Variants in ACAT1 observed in about 807,000 individuals in gnomAD.
The protein encoded by ACAT1 is acetyl-CoA acetyltransferase, mitochondrial.
In ACAT1, 28 loss-of-function variants were observed where a neutral mutation model predicts 47.3. That is an observed-to-expected ratio of 0.59 (90% CI 0.44 to 0.81). The LOEUF is 0.81. ACAT1 is among the 30% of genes least tolerant of loss of function. The pLI, the probability that ACAT1 is intolerant of heterozygous loss-of-function variation, is 0.00. For synonymous variants in ACAT1, 181 were observed against 173.6 expected (o/e 1.04, Z -0.34); for missense variants, 469 against 524.3 (o/e 0.89, Z 1.03).
chr11:108,133,714 A>G, intron 2 of ACAT1, 106 bp from the exon 3 acceptor site: 3 of 890,766 alleles, frequency 3.4e-6, no homozygotes, highest in Non-Finnish European at 3.7e-6. Flanking sequence ...TTAATTTTTG[A>G]TGACTCATTC....
At chr11:108,121,873 C>T (rs950640971) in intron 1 of ACAT1, 195 bp downstream of exon 1, 1 of 612,680 alleles carries the variant, frequency 1.6e-6, no homozygotes, top group Admixed American at 2.9e-5. Context: ...CCTATTTTTA[C>T]AGCGCGTTTC....
chr11:108,118,659 C>T (rs748603643), upstream of ACAT1, among the ~76,000 whole-genome samples: 3 of 152,168 alleles, frequency 2.0e-5, no homozygotes, highest in African/African-American at 4.8e-5. Flanking sequence ...CGTGAGCCAC[C>T]GCGCCCGGCC....
rs1462094708 is a variant in ACAT1, at chr11:108,147,422, T to G, written c.*32T>G. ...TCTGCTATTTAAGGAGACAACCCTA[T>G]GTGACCAGAAGGCCTGCTGTAATCA... On this transcript the variant is annotated 3_prime_UTR_variant, in exon 12 of 12. Transcript: ENST00000265838. The G allele has an allele frequency of 1.9e-6, 3 of 1,594,124 alleles. No homozygotes were observed. In the South Asian group the frequency reaches 3.3e-5, roughly 18 times the overall value.
chr11:108,135,930 A>G (rs551606989), intron 5 of ACAT1: 1 of 425,574 alleles, frequency 2.3e-6, no homozygotes, highest in African/African-American at 2.0e-5. Context: ...GGTTTTCATT[A>G]TAAAGGAGAA....
Position 108,123,604 on chromosome 11 carries a change from A to G in ACAT1, c.72+1926A>G, listed in dbSNP as rs577764889. Among the ~76,000 whole-genome samples the G allele has an allele frequency of 7.6e-4, 116 of 152,216 alleles. 1 individual carries two copies. Among genetic ancestry groups the G allele is most frequent in the African/African-American group, 2.6e-3 (110 of 41,520 alleles). On this transcript the variant is annotated intron_variant, in intron 1 of 11. Transcript: ENST00000265838. ...ATTACCTCCCATGTATTCTGCATCT[A>G]TTTCTCCTTAACTCTCTGCAGTTAA...
chr11:108,117,463 A>G (rs974559986), upstream of ACAT1, among the ~76,000 whole-genome samples: 12 of 151,908 alleles, frequency 7.9e-5, no homozygotes, highest in African/African-American at 2.7e-4. Flanking sequence ...GCCCATCACC[A>G]CACCCAGCTA....
chr11:108,141,484 G>C, intron 7 of ACAT1, 121 bp from the exon 8 acceptor site: 1 of 705,038 alleles, frequency 1.4e-6, no homozygotes, highest in African/African-American at 1.8e-5. Context: ...GTTTACTTGG[G>C]ATGGTTTAAG....
intron 1 of ACAT1, among the ~76,000 whole-genome samples, chr11:108,127,440 T>C (rs1200577113): frequency 6.6e-6 from 1 of 151,954 alleles, no homozygotes; most frequent in East Asian, 1.9e-4. Context: ...AATTTTGTTT[T>C]TGTATTTTTA....
intron 1 of ACAT1, among the ~76,000 whole-genome samples, chr11:108,124,404 C>T (rs973172899): frequency 6.6e-6 from 1 of 152,158 alleles, no homozygotes; most frequent in African/African-American, 2.4e-5. Flanking sequence ...GCTGGGATTA[C>T]AGGCATGTGC....
intron 1 of ACAT1, among the ~76,000 whole-genome samples, chr11:108,123,028 C>A (rs2077180278): frequency 6.6e-6 from 1 of 152,034 alleles, no homozygotes; most frequent in Non-Finnish European, 1.5e-5. Context: ...AGTTCAAGAC[C>A]AGCCTGGCCA....
intron 5 of ACAT1, 69 bp from the exon 6 acceptor site, chr11:108,138,829 G>A (rs2077522533): frequency 9.7e-6 from 15 of 1,551,974 alleles, no homozygotes; most frequent in South Asian, 8.9e-5. Flanking sequence ...GGTGGTAGCT[G>A]TATAAAGGGT....
intron 10 of ACAT1, 28 bp from the exon 11 acceptor site, chr11:108,146,174 A>G: frequency 6.4e-7 from 1 of 1,552,424 alleles, no homozygotes; most frequent in Non-Finnish European, 8.9e-7. Flanking sequence ...AATTATTTGA[A>G]CATCATCTGT....
upstream of ACAT1, chr11:108,121,429 G>C: frequency 1.4e-6 from 1 of 697,920 alleles, no homozygotes; most frequent in Non-Finnish European, 2.5e-6. Flanking sequence ...CCCAGGCTGC[G>C]GTGTCCCAGC....
At chr11:108,125,336 G>T (rs1318699136) in intron 1 of ACAT1, among the ~76,000 whole-genome samples, 1 of 152,104 alleles carries the variant, frequency 6.6e-6, no homozygotes, top group African/African-American at 2.4e-5. Context: ...ACACTATATG[G>T]TTCAGTGTCC....
intron 5 of ACAT1, among the ~76,000 whole-genome samples, chr11:108,135,899 T>C (rs1015250407): frequency 1.3e-5 from 2 of 152,150 alleles, no homozygotes; most frequent in Non-Finnish European, 1.5e-5. Flanking sequence ...TCATAAATAC[T>C]GTATTTGCCA....
At chr11:108,121,408 A>T (rs2077144438), upstream of ACAT1, 1 of 642,848 alleles carries the variant, frequency 1.6e-6, no homozygotes. Flanking sequence ...TCACTCGTCA[A>T]CCTTTCCTGG....
intron 1 of ACAT1, among the ~76,000 whole-genome samples, chr11:108,131,213 G>C (rs1246145103): frequency 6.6e-6 from 1 of 152,072 alleles, no homozygotes; most frequent in Admixed American, 6.6e-5. Flanking sequence ...GTTGGAAGTG[G>C]ATAGGGAGAA....
chr11:108,147,472 T>TCTGA lies in ACAT1; in HGVS notation c.*82_*83insCTGA. On this transcript the variant is annotated 3_prime_UTR_variant, in exon 12 of 12. Coordinates refer to ENST00000265838, the MANE Select transcript of ACAT1 (RefSeq NM_000019.4). The stretch of plus-strand genomic sequence containing the variant: ...AGTGTGACTACTGTGGGTCAGCTTA[T>TCTGA]ATTCAGATAAGCTGTTTCATTTTTT... 5 of 1,542,294 alleles carry TCTGA rather than the reference T, an allele frequency of 3.2e-6. No individual in the cohort carries two copies. Among genetic ancestry groups the TCTGA allele is most frequent in the Non-Finnish European group, 4.5e-6 (5 of 1,122,886 alleles).
At chr11:108,118,387 T>G (rs1864991220), upstream of ACAT1, among the ~76,000 whole-genome samples, 1 of 152,230 alleles carries the variant, frequency 6.6e-6, no homozygotes, top group Non-Finnish European at 1.5e-5. Flanking sequence ...TTTCTTTTTT[T>G]TTTTTGAGAC....
Sources: gnomAD v4.1 joint callset for allele counts (sites outside exome capture counted in the v4.1 genomes callset) on GRCh38, gnomAD v4.1.1 for gene constraint, MANE v1.5 for transcripts, NCBI Gene and HGNC (gene_info 2026-07-23, HGNC 2026-07-21) for gene names.